DNMT3B: variants seen among roughly 807,000 people sequenced by gnomAD.
DNMT3B encodes the protein DNA methyltransferase 3 beta, also known as DNA (cytosine-5)-methyltransferase 3B.
Under a neutral mutation model 120.2 loss-of-function variants are expected in DNMT3B, and 37 were observed. That is an observed-to-expected ratio of 0.31 (90% CI 0.24 to 0.40). The LOEUF (loss-of-function observed/expected upper bound fraction) is 0.40, where lower values mean the gene tolerates loss of function less well. Ranked by LOEUF, DNMT3B falls within the 10% of genes least tolerant of loss-of-function variation. The pLI is 1.00. For synonymous variants in DNMT3B, 412 were observed against 442.8 expected (o/e 0.93, Z 0.87); for missense variants, 878 against 1,137.3 (o/e 0.77, Z 3.28).
chr20:32,775,697 G>A (rs549466352), intron 1 of DNMT3B, among the ~76,000 whole-genome samples: 8 of 152,368 alleles, frequency 5.3e-5, no homozygotes, highest in Admixed American at 5.2e-4. Flanking sequence ...GAAGGGAAAC[G>A]CTCAGCTGGT....
intron 1 of DNMT3B, among the ~76,000 whole-genome samples, chr20:32,767,129 T>C (rs6087992): frequency 0.64 from 96,881 of 151,740 alleles, 33,854 homozygotes; most frequent in East Asian, 0.99. Flanking sequence ...CAACCTCAGG[T>C]GATCTGCCCA....
At chr20:32,798,108 G>A (rs1202358354) in intron 14 of DNMT3B, among the ~76,000 whole-genome samples, 2 of 152,212 alleles carry the variant, frequency 1.3e-5, no homozygotes, top group African/African-American at 4.8e-5. Flanking sequence ...CACCCAGCTA[G>A]AAGTGCTCTT....
At chr20:32,795,582 T>C (rs780606086) in intron 11 of DNMT3B, 48 bp downstream of exon 11, 2 of 1,614,166 alleles carry the variant, frequency 1.2e-6, no homozygotes, top group Non-Finnish European at 1.7e-6. Context: ...AGGAGGACGC[T>C]GCAGATCAGG....
rs1207828126 is a variant in DNMT3B, at chr20:32,784,823, C to T, written c.270C>T (p.Leu90=). The stretch of plus-strand genomic sequence containing the variant: ...CTGACACCCCAGTCATGCCAAAGCT[C>T]TTCCGGGAAACCAGGACTCGTTCAG... ...DGSDTPVMPK[L]FRETRTRSES... The change falls in exon 4 of 23, where the codon CTC becomes CTT. Residue 90 remains leucine (L), a synonymous_variant. Coordinates refer to ENST00000328111, the MANE Select transcript of DNMT3B (RefSeq NM_006892.4). 2 of 1,614,134 alleles carry T rather than the reference C, an allele frequency of 1.2e-6. No individual in the cohort carries two copies. The highest frequency in any genetic ancestry group is 3.3e-5 in the Admixed American group (2 of 60,018).
chr20:32,775,882 A>T (rs190359489), intron 1 of DNMT3B, among the ~76,000 whole-genome samples: 87 of 152,348 alleles, frequency 5.7e-4, no homozygotes, highest in African/African-American at 2.0e-3. Context: ...GACTTAACTC[A>T]TCTGAGTCTG....
chr20:32,775,869 G>T (rs1031802341), intron 1 of DNMT3B, among the ~76,000 whole-genome samples: 7 of 152,222 alleles, frequency 4.6e-5, no homozygotes, highest in Admixed American at 6.5e-5. Context: ...CACTTCTCTG[G>T]GTGACTTAAC....
At chr20:32,793,631 TC>T (rs1980254355) in intron 10 of DNMT3B, 36 bp downstream of exon 10, 2 of 1,607,230 alleles carry the variant, frequency 1.2e-6, no homozygotes, top group East Asian at 4.5e-5. Flanking sequence ...TGCCCTGTTT[TC>T]TATGCACTTT....
rs779376928 is a variant in DNMT3B, at chr20:32,798,487, G to T, written c.1518G>T (p.Val506=). Residue 506 remains valine, a synonymous_variant, in exon 15 of 23, where the codon GTG becomes GTT. Transcript: ENST00000328111. ...CRCFCVECLE[V]LVGTGTAAEA... is the part of the protein sequence containing the mutation. ...GTTTCTGTGTGGAGTGCCTGGAGGT[G>T]CTGGTGGGCACAGGCACAGCGGCCG... 1 of 1,614,226 alleles carries T rather than the reference G, an allele frequency of 6.2e-7. No homozygotes were observed. Among genetic ancestry groups the T allele is most frequent in the Admixed American group, 1.7e-5 (1 of 60,034 alleles).
At chr20:32,796,759 G>T in intron 12 of DNMT3B, 31 bp from the exon 13 acceptor site, 1 of 1,613,714 alleles carries the variant, frequency 6.2e-7, no homozygotes, top group Non-Finnish European at 8.5e-7. Flanking sequence ...GGCCTCAACT[G>T]CCAAAAGCCA....
chr20:32,795,352 G>T (rs996189688), intron 10 of DNMT3B, 57 bp from the exon 11 acceptor site: 4 of 1,611,634 alleles, frequency 2.5e-6, no homozygotes, highest in South Asian at 1.1e-5. Flanking sequence ...TCCTGGGCCC[G>T]CATTCTCTCT....
chr20:32,763,421 GC>G (rs963553421), intron 1 of DNMT3B, among the ~76,000 whole-genome samples: 10 of 152,172 alleles, frequency 6.6e-5, no homozygotes, highest in African/African-American at 2.4e-4. Context: ...GGAGGAGCCG[GC>G]CGGAGGGGCG....
At chr20:32,788,814 C>T in intron 6 of DNMT3B, 40 bp from the exon 7 acceptor site, 1 of 1,613,830 alleles carries the variant, frequency 6.2e-7, no homozygotes, top group Non-Finnish European at 8.5e-7. Context: ...CCAGGATGGC[C>T]TCTCCTCACT....
In DNMT3B at chr20:32,787,362, G is replaced by T. The variant is rs147591633; in HGVS notation, c.565G>T (p.Ala189Ser). 3 of 1,614,082 alleles carry T rather than the reference G, an allele frequency of 1.9e-6. No homozygotes were observed. Among genetic ancestry groups the T allele is most frequent in the African/African-American group, 1.3e-5 (1 of 74,930 alleles). Residue 189 changes from alanine (A) to serine (S), a missense_variant, in exon 6 of 23, where the codon GCC becomes TCC. Physicochemically the swap from Ala to Ser is moderately conservative, Grantham distance 99. Transcript: ENST00000328111. ...GCCCCAGAGCAGCAGTACCCCCTAC[G>T]CCCGCCTAGCCCAGGACAGCCAGCA... ...GTPQSSSTPYARLAQDSQQGG... is the reference protein window; with the variant it reads ...GTPQSSSTPYSRLAQDSQQGG...
Position 32,793,520 on chromosome 20 carries a change from G to A in DNMT3B, c.1067-16G>A. ...TGTAATGTTTTTTCTGTTTTGTTTT[G>A]TTTTCCCCTCAAAAGTGGTTAATAA... On this transcript the variant is annotated splice_polypyrimidine_tract_variant and intron_variant, in intron 9 of 22. Coordinates refer to ENST00000328111, the MANE Select transcript of DNMT3B (RefSeq NM_006892.4). 6.2e-7 allele frequency: 1 copy of A among 1,613,780 alleles called. No individual in the cohort carries two copies. Among genetic ancestry groups the A allele is most frequent in the South Asian group, 1.1e-5 (1 of 91,070 alleles).
chr20:32,793,060 A>T (rs763124924), intron 9 of DNMT3B, among the ~76,000 whole-genome samples: 2 of 152,232 alleles, frequency 1.3e-5, no homozygotes, highest in Non-Finnish European at 2.9e-5. Context: ...AAAGGAAAAA[A>T]TAGTTAAGCT....
intron 1 of DNMT3B, among the ~76,000 whole-genome samples, chr20:32,779,504 C>T (rs1458084265): frequency 6.6e-6 from 1 of 152,262 alleles, no homozygotes; most frequent in African/African-American, 2.4e-5. Context: ...AGCCTGCCAA[C>T]CCATCCGTAT....
At chr20:32,773,453 G>A (rs773168059) in intron 1 of DNMT3B, among the ~76,000 whole-genome samples, 6 of 152,200 alleles carry the variant, frequency 3.9e-5, no homozygotes, top group Non-Finnish European at 7.4e-5. Context: ...CTGTGGTGTG[G>A]TGCTGTGGTG....
At chr20:32,789,577 A>C (rs1002322998) in intron 7 of DNMT3B, among the ~76,000 whole-genome samples, 1 of 152,160 alleles carries the variant, frequency 6.6e-6, no homozygotes, top group Non-Finnish European at 1.5e-5. Context: ...TTTGATTCTT[A>C]CACTCTTTCA....
At chr20:32,768,441 C>A (rs369248401) in intron 1 of DNMT3B, among the ~76,000 whole-genome samples, 4 of 152,112 alleles carry the variant, frequency 2.6e-5, no homozygotes, top group Admixed American at 1.3e-4. Context: ...ATCCACCCGC[C>A]TCGGCCTACC....
Sources: gnomAD v4.1 joint callset for allele counts (sites outside exome capture counted in the v4.1 genomes callset) on GRCh38, gnomAD v4.1.1 for gene constraint, MANE v1.5 for transcripts, NCBI Gene and HGNC (gene_info 2026-07-23, HGNC 2026-07-21) for gene names.